Variants in HVCN1 observed in about 807,000 individuals in gnomAD.
The protein encoded by HVCN1 is hydrogen voltage gated channel 1, also known as voltage-gated hydrogen channel 1.
A neutral mutation model predicts 29.2 loss-of-function variants in HVCN1; 14 were observed. The observed-to-expected ratio is 0.48, with a 90% confidence interval of 0.32 to 0.75. HVCN1 has a LOEUF of 0.75. Among genes scored for constraint, HVCN1 ranks in the 30% least tolerant of loss-of-function variants. The pLI is 0.04. For missense variants in HVCN1, 263 were observed against 341.8 expected (o/e 0.77, Z 1.82); for synonymous variants, 131 against 133.2 (o/e 0.98, Z 0.11).
intron 2 of HVCN1, among the ~76,000 whole-genome samples, chr12:110,696,102 G>T (rs915006428): frequency 6.6e-6 from 1 of 151,734 alleles, no homozygotes; most frequent in Non-Finnish European, 1.5e-5. Context: ...ACAGGAGCCC[G>T]CCACCATGCT....
At chr12:110,693,980 C>G (rs2069452436), upstream of HVCN1, among the ~76,000 whole-genome samples, 1 of 152,186 alleles carries the variant, frequency 6.6e-6, no homozygotes, top group South Asian at 2.1e-4. Flanking sequence ...TTGCCCCACC[C>G]CCGGTCCTCC....
chr12:110,667,558 T>C lies in HVCN1; in HGVS notation c.22-6110A>G, dbSNP rs942902447. Among the ~76,000 whole-genome samples the C allele has an allele frequency of 2.0e-5, 3 of 152,154 alleles. No homozygotes were observed. In the South Asian group the frequency reaches 6.2e-4, roughly 32 times the overall value. Reference sequence around the variant, plus strand: ...GATCCTCCCACAAAAGCCTCCTGAGTAGCTGGAACTATAGGCACATACCAT... The same window carrying C: ...GATCCTCCCACAAAAGCCTCCTGAGCAGCTGGAACTATAGGCACATACCAT... On this transcript the variant is annotated intron_variant, in intron 3 of 7. Coordinates refer to ENST00000242607, the MANE Select transcript of HVCN1 (RefSeq NM_032369.4).
chr12:110,672,377 C>T (rs1447132491), intron 3 of HVCN1, among the ~76,000 whole-genome samples: 2 of 152,140 alleles, frequency 1.3e-5, no homozygotes, highest in Admixed American at 6.5e-5. Context: ...AGCCCTAAAC[C>T]GGAAACCACC....
At chr12:110,692,819 GA>G (rs960816279), upstream of HVCN1, among the ~76,000 whole-genome samples, 12 of 152,066 alleles carry the variant, frequency 7.9e-5, no homozygotes, top group South Asian at 1.0e-3. Context: ...ACTTGGGTGG[GA>G]AAAAAATTCT....
chr12:110,693,638 T>C (rs1422476103), upstream of HVCN1, among the ~76,000 whole-genome samples: 1 of 152,186 alleles, frequency 6.6e-6, no homozygotes, highest in East Asian at 1.9e-4. Flanking sequence ...ATTGGAGATA[T>C]CTCAAAATAT....
intron 3 of HVCN1, among the ~76,000 whole-genome samples, chr12:110,662,177 G>T (rs955309732): frequency 6.6e-6 from 1 of 152,124 alleles, no homozygotes; most frequent in African/African-American, 2.4e-5. Context: ...TGGGGTGGCC[G>T]TCCAGACTCA....
At chr12:110,689,379 G>C (rs1235071575), upstream of HVCN1, 1 of 151,750 alleles carries the variant, frequency 6.6e-6, no homozygotes, top group Non-Finnish European at 1.5e-5. The surrounding 1 kb of genome is among the most constrained non-coding windows in gnomAD (Gnocchi z 5.7). Flanking sequence ...AGTTACAAAG[G>C]TCCCGCCCGT....
upstream of HVCN1, among the ~76,000 whole-genome samples, chr12:110,692,042 A>T (rs998094852): frequency 6.6e-6 from 1 of 152,226 alleles, no homozygotes; most frequent in Non-Finnish European, 1.5e-5. Flanking sequence ...GTGGACAGGA[A>T]AAGATCTCAA....
chr12:110,698,291 T>C (rs1441528623), intron 2 of HVCN1, among the ~76,000 whole-genome samples: 1 of 152,256 alleles, frequency 6.6e-6, no homozygotes, highest in Non-Finnish European at 1.5e-5. Context: ...TGAGCCTCTA[T>C]GCCCAGCCTT....
intron 2 of HVCN1, among the ~76,000 whole-genome samples, chr12:110,698,015 CAGCTGGTAAGAGGCAG>C (rs2069519396): frequency 6.6e-6 from 1 of 152,180 alleles, no homozygotes; most frequent in Admixed American, 6.5e-5. Context: ...CAAGGCCACA[CAGCTGGTAAGAGGCAG>C]AGCTAGAACA....
At chr12:110,652,908 C>G (rs1039570739) in intron 5 of HVCN1, among the ~76,000 whole-genome samples, 1 of 152,202 alleles carries the variant, frequency 6.6e-6, no homozygotes, top group African/African-American at 2.4e-5. Flanking sequence ...AGCAGTCCAG[C>G]AAGTGACCCA....
intron 3 of HVCN1, among the ~76,000 whole-genome samples, chr12:110,663,587 C>CAA (rs1182792368): frequency 0.01 from 264 of 25,734 alleles, 10 homozygotes; most frequent in African/African-American, 0.015. Flanking sequence ...GACGCTGTCT[C>CAA]AAAAAAAAAA....
chr12:110,683,055 A>T, intron 3 of HVCN1, 170 bp downstream of exon 3: 1 of 811,028 alleles, frequency 1.2e-6, no homozygotes, highest in Non-Finnish European at 2.1e-6. Flanking sequence ...GGCTACTTGG[A>T]GGTTTTGTGA....
intron 4 of HVCN1, among the ~76,000 whole-genome samples, chr12:110,656,143 C>T (rs918024513): frequency 2.6e-5 from 4 of 152,222 alleles, no homozygotes; most frequent in Non-Finnish European, 4.4e-5. Context: ...ACTGCAGGTT[C>T]CTTGGCTACA....
intron 3 of HVCN1, among the ~76,000 whole-genome samples, chr12:110,668,851 C>T (rs996804023): frequency 1.3e-5 from 2 of 152,160 alleles, no homozygotes; most frequent in East Asian, 1.9e-4. Flanking sequence ...CACTCTTTGA[C>T]GCTGTTGAAT....
chr12:110,674,169 A>T (rs547892400), intron 3 of HVCN1, among the ~76,000 whole-genome samples: 54 of 152,356 alleles, frequency 3.5e-4, no homozygotes, highest in African/African-American at 1.3e-3. Flanking sequence ...GAGTCAAAGG[A>T]GATCATTTTG....
intron 3 of HVCN1, among the ~76,000 whole-genome samples, chr12:110,666,543 G>T (rs1280396113): frequency 6.6e-6 from 1 of 152,160 alleles, no homozygotes; most frequent in Non-Finnish European, 1.5e-5. Flanking sequence ...CAGAGCCCCA[G>T]GGACCATATC....
At chr12:110,672,304 A>T (rs1018358617) in intron 3 of HVCN1, among the ~76,000 whole-genome samples, 4 of 152,056 alleles carry the variant, frequency 2.6e-5, no homozygotes, top group African/African-American at 7.2e-5. Flanking sequence ...AAATGTCCTT[A>T]TTGCTTGACT....
intron 3 of HVCN1, among the ~76,000 whole-genome samples, chr12:110,663,416 A>G (rs1228252494): frequency 6.6e-6 from 1 of 151,770 alleles, no homozygotes; most frequent in Non-Finnish European, 1.5e-5. Flanking sequence ...AGCCTGCGCA[A>G]TAAGGCAAGA....
Sources: allele counts gnomAD v4.1 joint callset (sites outside exome capture counted in the v4.1 genomes callset), GRCh38; gene constraint gnomAD v4.1.1; non-coding constraint Gnocchi (gnomAD v3.1); transcripts MANE v1.5; gene names NCBI Gene and HGNC (gene_info 2026-07-23, HGNC 2026-07-21).